Variants in CDH17 observed in about 807,000 individuals in gnomAD.
The protein encoded by CDH17 is cadherin-17.
A neutral mutation model predicts 86.3 loss-of-function variants in CDH17; 67 were observed. The observed-to-expected ratio is 0.78, with a 90% CI of 0.64 to 0.95. CDH17 has a LOEUF of 0.95. Ranked by LOEUF, CDH17 falls within the 40% of genes least tolerant of loss-of-function variation. CDH17 has a pLI of 0.00. For synonymous variants in CDH17, 367 were observed against 366.4 expected, an observed-to-expected ratio of 1.00 and a Z score of -0.02; for missense variants, 993 against 1,017.6, an observed-to-expected ratio of 0.98 and a Z score of 0.33.
At chr8:94,173,062 C>G (rs1338921587) in intron 7 of CDH17, among the ~76,000 whole-genome samples, 3 of 152,168 alleles carry the variant, frequency 2.0e-5, no homozygotes, top group Non-Finnish European at 4.4e-5. Context: ...ATACATAGTG[C>G]ACCATAAATG....
upstream of CDH17, among the ~76,000 whole-genome samples, chr8:94,212,382 C>A (rs1814137006): frequency 6.6e-6 from 1 of 152,178 alleles, no homozygotes; most frequent in Non-Finnish European, 1.5e-5. Flanking sequence ...GGTCTAAGAT[C>A]TGCCCACCTC....
chr8:94,213,186 G>C (rs773230364), upstream of CDH17, among the ~76,000 whole-genome samples: 4 of 152,168 alleles, frequency 2.6e-5, no homozygotes, highest in Non-Finnish European at 5.9e-5. Flanking sequence ...TGCTCAGGCT[G>C]CTCTTGAACT....
chr8:94,142,666 T>C (rs1372943205), intron 15 of CDH17, among the ~76,000 whole-genome samples: 1 of 152,248 alleles, frequency 6.6e-6, no homozygotes, highest in Non-Finnish European at 1.5e-5. Context: ...ACTATGTTTA[T>C]GGAATATTCT....
At chr8:94,173,745 G>T in intron 7 of CDH17, 52 bp downstream of exon 7, 1 of 1,370,586 alleles carries the variant, frequency 7.3e-7, no homozygotes, top group Non-Finnish European at 1.0e-6. Context: ...TCTCTACAAA[G>T]TGAAGCCATT....
At chr8:94,151,269 C>T (rs934829444) in intron 13 of CDH17, among the ~76,000 whole-genome samples, 4 of 152,172 alleles carry the variant, frequency 2.6e-5, no homozygotes, top group African/African-American at 9.7e-5. Flanking sequence ...TAAGGCAAAT[C>T]TGTGTGGGTC....
At chr8:94,168,100 ATATATATATATATATATAT>A (rs1813192431) in intron 9 of CDH17, among the ~76,000 whole-genome samples, 2 of 640 alleles carry the variant, frequency 3.1e-3, no homozygotes, top group African/African-American at 8.5e-3. Flanking sequence ...ACTGGGGAAT[ATATATATATATATATATAT>A]ATATATATAT....
chr8:94,212,209 G>A (rs572339081), upstream of CDH17, among the ~76,000 whole-genome samples: 37 of 152,330 alleles, frequency 2.4e-4, no homozygotes, highest in African/African-American at 8.2e-4. Context: ...AGGCTGGAGT[G>A]CAGTGGTGCG....
At chr8:94,200,537 G>GTTTTTTTT (rs10600702) in intron 1 of CDH17, among the ~76,000 whole-genome samples, 1 of 56,914 alleles carries the variant, frequency 1.8e-5, no homozygotes, top group African/African-American at 9.3e-5. Context: ...ATTATCTTTT[G>GTTTTTTTT]TTTTTTTTTT....
rs1812820036 is a variant in CDH17, at chr8:94,149,608, A to T, written c.1797-734T>A. On this transcript the variant is annotated intron_variant, in intron 13 of 17. Transcript: ENST00000027335. ...AAGGAAGAGTGTGAGATAAAGCACC[A>T]AGGGCCAAGGAACAGCATGGTGAGT... 2.0e-5 allele frequency among the ~76,000 whole-genome samples: 3 copies of T among 152,122 alleles called. No homozygotes were observed. The South Asian group carries it at 6.2e-4, about 32-fold the overall frequency.
At chr8:94,211,127 TATA>T (rs1177222836), upstream of CDH17, among the ~76,000 whole-genome samples, 5 of 151,930 alleles carry the variant, frequency 3.3e-5, no homozygotes, top group Non-Finnish European at 5.9e-5. Context: ...CGCTTTTGTC[TATA>T]ATGTTTTAAG....
At chr8:94,202,415 C>T (rs906844049) in intron 1 of CDH17, 6 of 152,746 alleles carry the variant, frequency 3.9e-5, no homozygotes, top group African/African-American at 1.4e-4. Context: ...AAGTGATCCA[C>T]CCACCTTGAC....
At chr8:94,213,319 A>G (rs994127559), upstream of CDH17, among the ~76,000 whole-genome samples, 3 of 152,196 alleles carry the variant, frequency 2.0e-5, no homozygotes, top group African/African-American at 7.2e-5. Context: ...CCTTCTGAGA[A>G]ACACTAGCTT....
chr8:94,194,561 T>C (rs1428901953), intron 2 of CDH17, 74 bp downstream of exon 2: 4 of 991,112 alleles, frequency 4.0e-6, no homozygotes, highest in East Asian at 2.4e-5. Context: ...AGCCATTCTT[T>C]CCCTGGTGTG....
At chr8:94,163,413 G>A (rs936168209) in intron 10 of CDH17, among the ~76,000 whole-genome samples, 20 of 152,248 alleles carry the variant, frequency 1.3e-4, no homozygotes, top group South Asian at 6.2e-4. Flanking sequence ...ACTGAGAGGC[G>A]TGGCAAGAGA....
intron 3 of CDH17, among the ~76,000 whole-genome samples, chr8:94,180,351 A>G (rs1183311207): frequency 6.6e-6 from 1 of 152,110 alleles, no homozygotes; most frequent in African/African-American, 2.4e-5. Flanking sequence ...AAAAAGGGGG[A>G]AAAAAGATTA....
intron 12 of CDH17, among the ~76,000 whole-genome samples, chr8:94,152,480 G>A (rs1302950872): frequency 2.6e-5 from 4 of 152,124 alleles, no homozygotes; most frequent in South Asian, 2.1e-4. Flanking sequence ...TGCAAGCTCC[G>A]CCTCCCAGGT....
chr8:94,211,119 C>T (rs539579897), upstream of CDH17, among the ~76,000 whole-genome samples: 44 of 151,816 alleles, frequency 2.9e-4, no homozygotes, highest in Non-Finnish European at 6.0e-4. Context: ...CATTTCAACG[C>T]TTTTGTCTAT....
Position 94,148,851 on chromosome 8 carries a change from C to T in CDH17, c.1820G>A (p.Arg607Lys). The change falls in exon 14 of 18, where the codon AGA becomes AAA. Residue 607 changes from arginine (R) to lysine (K), a missense_variant. Physicochemically the swap from Arg to Lys is conservative, Grantham distance 26. Coordinates refer to ENST00000027335, the MANE Select transcript of CDH17 (RefSeq NM_004063.4). ...CACGTGGTCAATTTTAAGCCAACCT[C>T]TTGTGTCTCCCCTCAGTGAATAGCT... ...DISYSLRGDT[R>K]GWLKIDHVTG... 1 of 1,610,378 alleles carries T rather than the reference C, an allele frequency of 6.2e-7. No individual in the cohort carries two copies. The highest frequency in any genetic ancestry group is 8.5e-7 in the Non-Finnish European group (1 of 1,178,724).
intron 9 of CDH17, among the ~76,000 whole-genome samples, chr8:94,170,006 T>C (rs1460244336): frequency 6.6e-6 from 1 of 152,116 alleles, no homozygotes; most frequent in Non-Finnish European, 1.5e-5. Flanking sequence ...TTTAAATTCT[T>C]TGGCAAATGT....
Sources: gnomAD v4.1 joint callset for allele counts (sites outside exome capture counted in the v4.1 genomes callset) on GRCh38, gnomAD v4.1.1 for gene constraint, MANE v1.5 for transcripts, NCBI Gene and HGNC (gene_info 2026-07-23, HGNC 2026-07-21) for gene names.